Variants in KMO observed in about 807,000 individuals in gnomAD.
KMO encodes the protein kynurenine 3-hydroxylase.
A neutral mutation model predicts 57.8 loss-of-function variants in KMO; 24 were observed. That is an observed-to-expected ratio of 0.42 (90% confidence interval 0.30 to 0.58). The LOEUF (loss-of-function observed/expected upper bound fraction) is 0.58, where lower values mean the gene tolerates loss of function less well. Ranked by LOEUF, KMO falls within the 20% of genes least tolerant of loss-of-function variation. The pLI is 0.22. For missense variants in KMO, 483 were observed against 588.2 expected (o/e 0.82, Z 1.85); for synonymous variants, 210 against 193.6 (o/e 1.08, Z -0.70).
At chr1:241,552,242 T>A (rs147428682) in intron 4 of KMO, among the ~76,000 whole-genome samples, 195 of 152,096 alleles carry the variant, frequency 1.3e-3, no homozygotes, top group Admixed American at 6.5e-3. Flanking sequence ...AGCGTTGGTG[T>A]GAGTTCCCTT....
chr1:241,586,191 CTTTTTT>C (rs386370217), intron 10 of KMO, among the ~76,000 whole-genome samples: 3 of 80,058 alleles, frequency 3.7e-5, no homozygotes, highest in South Asian at 5.5e-4. Flanking sequence ...AGTCTATGGT[CTTTTTT>C]TTTTTTTTTT....
intron 1 of KMO, among the ~76,000 whole-genome samples, chr1:241,547,684 C>T (rs1661200857): frequency 6.6e-6 from 1 of 151,896 alleles, no homozygotes. Context: ...TCCCACTCCA[C>T]AATAATGAAA....
chr1:241,567,434 C>T (rs1000554788), intron 9 of KMO, among the ~76,000 whole-genome samples: 1 of 152,142 alleles, frequency 6.6e-6, no homozygotes, highest in Admixed American at 6.5e-5. Flanking sequence ...ACTAATCCCA[C>T]TAATGGGGGG....
chr1:241,589,929 T>A (rs943723919), intron 12 of KMO, 83 bp from the exon 13 acceptor site: 3 of 1,059,014 alleles, frequency 2.8e-6, no homozygotes, highest in Non-Finnish European at 4.4e-6. Flanking sequence ...TTGCGATGAG[T>A]GGGAATGAAG....
intron 1 of KMO, among the ~76,000 whole-genome samples, chr1:241,533,978 A>G (rs1366298373): frequency 6.6e-6 from 1 of 152,244 alleles, no homozygotes. Flanking sequence ...GCCCAAGTTC[A>G]AGGAGCAGAA....
At chr1:241,559,520 A>G (rs551233758) in intron 5 of KMO, among the ~76,000 whole-genome samples, 50 of 152,284 alleles carry the variant, frequency 3.3e-4, no homozygotes, top group Admixed American at 2.3e-3. Context: ...GTCAATTCTG[A>G]TTACTTCAAA....
intron 10 of KMO, among the ~76,000 whole-genome samples, chr1:241,578,812 G>A (rs1662635449): frequency 6.6e-6 from 1 of 152,134 alleles, no homozygotes; most frequent in African/African-American, 2.4e-5. Flanking sequence ...TAAAGAAAGA[G>A]AGGTTTGATG....
At position 241,594,413 on chromosome 1, in the gene KMO, T is replaced by G; in HGVS notation, c.*2260T>G. The G allele has an allele frequency of 3.1e-6, 5 of 1,606,498 alleles. No individual in the cohort carries two copies. The highest frequency in any genetic ancestry group is 4.3e-6 in the Non-Finnish European group (5 of 1,174,746). On this transcript the variant is annotated 3_prime_UTR_variant, in exon 15 of 15. Transcript: ENST00000366559. ...TCCAATTTAAGGCCCCATCTTTCGT[T>G]GCCATTCTTCATTCCTACAAAGGAC...
In KMO at chr1:241,590,276, A is replaced by G; in HGVS notation, c.1260+13A>G. On this transcript the variant is annotated intron_variant, in intron 14 of 14. Transcript: ENST00000366559. ...TTGGCAAAAAAAGGTTGGAACAGTTACATTTTATTTATTTTTTAATGTGGT... is the reference window on the plus strand; with the variant it reads ...TTGGCAAAAAAAGGTTGGAACAGTTGCATTTTATTTATTTTTTAATGTGGT... 6.3e-7 allele frequency: 1 copy of G among 1,594,538 alleles called. No individual in the cohort carries two copies. The highest frequency in any genetic ancestry group is 8.6e-7 in the Non-Finnish European group (1 of 1,162,452).
chr1:241,555,737 G>A lies in KMO; in HGVS notation c.361+77G>A. ...ACTAATCTTGTCATATGATTTATTG[G>A]ATTTGTTTGCTGCTCCTTTTTATGG... On this transcript the variant is annotated intron_variant, in intron 5 of 14. Transcript: ENST00000366559. 15 of 902,368 alleles carry A rather than the reference G, an allele frequency of 1.7e-5. No homozygotes were observed. In the South Asian group the frequency reaches 2.0e-4, roughly 12 times the overall value. 55.9% of individuals were successfully genotyped at this position (902,368 alleles called of 1,614,324 possible).
rs1006166933 is a variant in KMO at position 241,592,692 on chromosome 1, A to G, written c.*539A>G. ...AACTCATTTTATTTTCCCACCTTCA[A>G]ATATAAGTATTATCATCTATCTGTT... On this transcript the variant is annotated 3_prime_UTR_variant, in exon 15 of 15. Transcript: ENST00000366559. 5 of 155,144 alleles carry G rather than the reference A, an allele frequency of 3.2e-5. No homozygotes were observed. Among genetic ancestry groups the G allele is most frequent in the African/African-American group, 9.7e-5 (4 of 41,398 alleles). 9.6% of individuals were successfully genotyped at this position (155,144 alleles called of 1,614,324 possible). A position where few individuals can be genotyped will look rare whatever the true frequency, so the allele number is the denominator to read the frequency against.
intron 6 of KMO, among the ~76,000 whole-genome samples, chr1:241,561,758 C>T (rs1661850341): frequency 6.6e-6 from 1 of 152,142 alleles, no homozygotes. Context: ...CTCTCCCTAC[C>T]TTGTATTCTT....
At chr1:241,540,632 T>A (rs943039459) in intron 1 of KMO, among the ~76,000 whole-genome samples, 1 of 152,140 alleles carries the variant, frequency 6.6e-6, no homozygotes, top group Admixed American at 6.6e-5. Flanking sequence ...GAATAGTGCA[T>A]AATGAACTGG....
At chr1:241,576,222 C>G (rs1347649772) in intron 10 of KMO, among the ~76,000 whole-genome samples, 1 of 152,016 alleles carries the variant, frequency 6.6e-6, no homozygotes, top group South Asian at 2.1e-4. Context: ...TTCTGACAAT[C>G]TATATTTTTT....
chr1:241,548,371 G>A (rs2050507), intron 1 of KMO, among the ~76,000 whole-genome samples: 150,207 of 152,318 alleles, frequency 0.99, 74,098 homozygotes, highest in Middle Eastern at 1. Context: ...GGTTATCACA[G>A]AAGTCAGAAT....
At chr1:241,559,151 A>G (rs1172581223) in intron 5 of KMO, among the ~76,000 whole-genome samples, 2 of 152,148 alleles carry the variant, frequency 1.3e-5, no homozygotes, top group African/African-American at 4.8e-5. Flanking sequence ...TATTATTTCA[A>G]TATGTAATCA....
chr1:241,537,443 C>T (rs1424574539), intron 1 of KMO, among the ~76,000 whole-genome samples: 1 of 152,106 alleles, frequency 6.6e-6, no homozygotes, highest in Admixed American at 6.6e-5. Context: ...ATGAAAAAGA[C>T]ATAATTACTG....
intron 1 of KMO, among the ~76,000 whole-genome samples, chr1:241,548,438 G>C (rs908445803): frequency 6.6e-6 from 1 of 152,150 alleles, no homozygotes; most frequent in Non-Finnish European, 1.5e-5. Flanking sequence ...GGTGGGGGGA[G>C]TTTTGGAGGA....
intron 10 of KMO, among the ~76,000 whole-genome samples, chr1:241,579,190 G>A (rs1662658299): frequency 6.6e-6 from 1 of 152,154 alleles, no homozygotes; most frequent in Admixed American, 6.5e-5. Context: ...GTAATGGACT[G>A]TGTCAGTTGG....
Sources: gnomAD v4.1 joint callset for allele counts (sites outside exome capture counted in the v4.1 genomes callset) on GRCh38, gnomAD v4.1.1 for gene constraint, MANE v1.5 for transcripts, NCBI Gene and HGNC (gene_info 2026-07-23, HGNC 2026-07-21) for gene names.